The following CD109 variants were observed in gnomAD, a reference collection of about 807,000 sequenced individuals.
CD109 encodes CD109 antigen.
CD109 carries 149 observed loss-of-function variants against 165.8 expected under a neutral mutation model. The ratio of observed to expected loss-of-function variants is 0.90; its 90% CI spans 0.79 to 1.03. The LOEUF (loss-of-function observed/expected upper bound fraction) is 1.03, where lower values mean the gene tolerates loss of function less well. CD109 is among the 50% of genes least tolerant of loss of function. CD109 has a pLI of 0.00. For missense variants in CD109, 1,712 were observed against 1,677.8 expected (o/e 1.02, Z -0.36); for synonymous variants, 585 against 592.1 (o/e 0.99, Z 0.18).
intron 2 of CD109, among the ~76,000 whole-genome samples, chr6:73,717,801 A>G (rs1192047160): frequency 6.6e-6 from 1 of 151,042 alleles, no homozygotes; most frequent in African/African-American, 2.4e-5. Context: ...TTGTATTTTT[A>G]GTAGAGACGG....
In CD109 at chr6:73,823,515, G is replaced by A. The variant is rs921201043; in HGVS notation, c.4220G>A (p.Cys1407Tyr). Residue 1407 changes from cysteine to tyrosine, a missense_variant, in exon 33 of 33, where the codon TGC becomes TAC. By Grantham distance (194) the Cys-to-Tyr change is radical. Transcript: ENST00000287097. ...SEVKLSSCDL[C>Y]SDVQGCRPCE... ...GTGAAGCTGTCCTCCTGTGACCTTT[G>A]CAGTGATGTCCAGGGCTGCCGTCCT... 5.6e-6 allele frequency: 9 copies of A among 1,613,918 alleles called. No individual in the cohort carries two copies. In the Admixed American group the frequency reaches 1.5e-4, roughly 27 times the overall value.
At position 73,785,347 on chromosome 6, in the gene CD109, C is replaced by A; in HGVS notation, c.2224-17C>A. ...TTTGACCTGAATAAAAATATGTACT[C>A]GTTGTGTTCTTTCCAGCTCCAAGCC... On this transcript the variant is annotated splice_polypyrimidine_tract_variant and intron_variant, in intron 19 of 32. Coordinates refer to ENST00000287097, the MANE Select transcript of CD109 (RefSeq NM_133493.5). The A allele has an allele frequency of 1.5e-6, 2 of 1,353,828 alleles. No homozygotes were observed. Among genetic ancestry groups the A allele is most frequent in the South Asian group, 1.2e-5 (1 of 82,674 alleles). 83.9% of individuals were successfully genotyped at this position (1,353,828 alleles called of 1,614,324 possible). A position where few individuals can be genotyped will look rare whatever the true frequency, so the allele number is the denominator to read the frequency against.
chr6:73,791,134 T>C (rs1168856963), intron 22 of CD109, among the ~76,000 whole-genome samples: 1,285 of 77,006 alleles, frequency 0.017, 35 homozygotes, highest in Non-Finnish European at 0.023. Context: ...TATACATACA[T>C]ACATATATAT....
intron 5 of CD109, among the ~76,000 whole-genome samples, chr6:73,745,403 C>A (rs1772945221): frequency 6.6e-6 from 1 of 152,156 alleles, no homozygotes. Context: ...TCATGCCTGG[C>A]CAGCAATTGC....
Position 73,765,987 on chromosome 6 carries a change from G to A in CD109, c.1165G>A (p.Val389Ile). Residue 389 changes from valine (V) to isoleucine (I), a missense_variant, in exon 11 of 33, where the codon GTA (valine) becomes ATA (isoleucine). Transcript: ENST00000287097. ...GACTCTTGAAGAAAGAAGAAATAAT[G>A]TAGTCATAACAGTGACACAGAGAAA... ...QLTLEERRNN[V>I]VITVTQRNYT... 6.2e-7 allele frequency: 1 copy of A among 1,614,064 alleles called. No individual in the cohort carries two copies. The highest frequency in any genetic ancestry group is 8.5e-7 in the Non-Finnish European group (1 of 1,179,964).
Position 73,818,486 on chromosome 6 carries a change from T to G in CD109, c.4010T>G (p.Val1337Gly). The change falls in exon 31 of 33, where the codon GTG becomes GGG. Residue 1337 changes from valine (V) to glycine (G), a missense_variant. By Grantham distance (109) the Val-to-Gly change is moderately radical. Coordinates refer to ENST00000287097, the MANE Select transcript of CD109 (RefSeq NM_133493.5). ...GAAGCAATTTCTCTGAGCGAGACAG[T>G]GAAGAAAGTGGAATATGATCATGGA... ...PSEAISLSETVKKVEYDHGKL... is the reference protein window; with the variant it reads ...PSEAISLSETGKKVEYDHGKL... 6.2e-7 allele frequency: 1 copy of G among 1,613,370 alleles called. No homozygotes were observed. Among genetic ancestry groups the G allele is most frequent in the East Asian group, 2.2e-5 (1 of 44,846 alleles).
chr6:73,762,901 G>A lies in CD109; in HGVS notation c.997+19G>A. ...GTTACAGGTTTGTAGACTTTAAAGT[G>A]GAGGTAAAACTATTCATGTGACACT... On this transcript the variant is annotated intron_variant, in intron 9 of 32. Transcript: ENST00000287097. 1.3e-6 allele frequency: 2 copies of A among 1,589,906 alleles called. No individual in the cohort carries two copies. Among genetic ancestry groups the A allele is most frequent in the Middle Eastern group, 1.7e-4 (1 of 5,950 alleles).
At chr6:73,687,462 ACCCTC>A in the CD109 span, among the ~76,000 whole-genome samples, 1 of 76,434 alleles carries the variant, frequency 1.3e-5, no homozygotes, top group South Asian at 4.7e-4. Context: ...CCCCTTCCCT[ACCCTC>A]CCCTCCCCTC....
rs139364801 is a variant in CD109, at chr6:73,763,624, A to T, written c.1046A>T (p.Tyr349Phe). 51 of 1,597,004 alleles carry T rather than the reference A, an allele frequency of 3.2e-5. No individual in the cohort carries two copies. Among genetic ancestry groups the T allele is most frequent in the Non-Finnish European group, 3.8e-5 (44 of 1,170,628 alleles). ...AATGTGTTCTTCAAGCAACATGATT[A>T]CATCATTGAGTTTTTTGATTATACT... ...STNVFFKQHD[Y>F]IIEFFDYTTV... Residue 349 changes from tyrosine (Y) to phenylalanine (F), a missense_variant, in exon 10 of 33, where the codon TAC becomes TTC. Coordinates refer to ENST00000287097, the MANE Select transcript of CD109 (RefSeq NM_133493.5).
chr6:73,816,115 G>T (rs1426566446), intron 30 of CD109, among the ~76,000 whole-genome samples: 1 of 152,146 alleles, frequency 6.6e-6, no homozygotes, highest in African/African-American at 2.4e-5. Context: ...GCTACTGTCT[G>T]TCTTTATCTT....
At chr6:73,786,287 C>T (rs1187403814) in intron 20 of CD109, among the ~76,000 whole-genome samples, 2 of 152,154 alleles carry the variant, frequency 1.3e-5, no homozygotes, top group Non-Finnish European at 2.9e-5. Context: ...AACCAAGTGA[C>T]TGATTTTTCT....
In CD109 at chr6:73,724,081, C is replaced by T. The variant is rs1036059144; in HGVS notation, c.276+802C>T. Among the ~76,000 whole-genome samples the T allele has an allele frequency of 2.0e-5, 3 of 152,174 alleles. No homozygotes were observed. The East Asian group carries it at 5.8e-4, about 29-fold the overall frequency. ...TTGACCCTGTCTTTGTTTAAAACTTCGACTTCTTTGTTTATAATTTTTTGC... is the reference window on the plus strand; with the variant it reads ...TTGACCCTGTCTTTGTTTAAAACTTTGACTTCTTTGTTTATAATTTTTTGC... On this transcript the variant is annotated intron_variant, in intron 3 of 32. Transcript: ENST00000287097.
intron 6 of CD109, among the ~76,000 whole-genome samples, chr6:73,758,615 C>A (rs1045481982): frequency 6.6e-6 from 1 of 152,116 alleles, no homozygotes; most frequent in East Asian, 1.9e-4. Context: ...AACTCCTGAC[C>A]TCAGGTGATC....
In CD109 at chr6:73,787,215, AT is replaced by A. The variant is rs1774729407; in HGVS notation, c.2338-16del. On this transcript the variant is annotated intron_variant, in intron 20 of 32. Coordinates refer to ENST00000287097, the MANE Select transcript of CD109 (RefSeq NM_133493.5). ...GAGCATCTATTATACAAAAGCTTTG[AT>A]TTATTTTTTTCTTTCAGGTTAAGGT... 2 of 1,526,336 alleles carry A rather than the reference AT, an allele frequency of 1.3e-6. No homozygotes were observed. Among genetic ancestry groups the A allele is most frequent in the South Asian group, 2.3e-5 (2 of 88,414 alleles). 94.5% of individuals were successfully genotyped at this position (1,526,336 alleles called of 1,614,324 possible).
At chr6:73,783,467 C>G (rs189268380) in intron 18 of CD109, among the ~76,000 whole-genome samples, 2 of 152,004 alleles carry the variant, frequency 1.3e-5, no homozygotes, top group Admixed American at 1.3e-4. Context: ...GTAAATTTTG[C>G]AGGAAGATTT....
chr6:73,739,775 G>A (rs1391256015), intron 5 of CD109, among the ~76,000 whole-genome samples: 2 of 152,154 alleles, frequency 1.3e-5, no homozygotes, highest in Non-Finnish European at 2.9e-5. Context: ...GTGAACCTGG[G>A]AGGCGGAGCT....
chr6:73,787,029 T>A (rs1362956951), intron 20 of CD109, among the ~76,000 whole-genome samples: 1 of 152,198 alleles, frequency 6.6e-6, no homozygotes, highest in Non-Finnish European at 1.5e-5. Context: ...CCTTTCCCCA[T>A]GTATCTTGAG....
chr6:73,811,916 T>G (rs1775770720), intron 28 of CD109, among the ~76,000 whole-genome samples: 1 of 152,092 alleles, frequency 6.6e-6, no homozygotes, highest in South Asian at 2.1e-4. Flanking sequence ...TGACTTTAGT[T>G]TCTTGTCTTT....
chr6:73,711,535 T>G (rs1771537909), intron 2 of CD109, among the ~76,000 whole-genome samples: 1 of 18,242 alleles, frequency 5.5e-5, no homozygotes, highest in Non-Finnish European at 3.1e-3. Context: ...GTACTTTAAG[T>G]TTTTTTTTTT....
Sources: gnomAD v4.1 joint callset for allele counts (sites outside exome capture counted in the v4.1 genomes callset) on GRCh38, gnomAD v4.1.1 for gene constraint, MANE v1.5 for transcripts, NCBI Gene and HGNC (gene_info 2026-07-23, HGNC 2026-07-21) for gene names.